MYH1: variants seen among roughly 807,000 people sequenced by gnomAD.
MYH1 encodes the protein myosin heavy chain 1, also known as myosin-1.
In MYH1, 214 loss-of-function variants were observed where a neutral mutation model predicts 225.6. That is an observed-to-expected ratio of 0.95 (90% CI 0.85 to 1.06). The LOEUF is 1.06. MYH1 is among the 50% of genes least tolerant of loss of function. MYH1 has a pLI of 0.00. For missense variants in MYH1, 2,098 were observed against 2,344.2 expected (o/e 0.89, Z 2.17); for synonymous variants, 774 against 842.3 (o/e 0.92, Z 1.40).
rs765747020 is a variant in MYH1 at position 10,496,067 on chromosome 17, C to T, written c.5052G>A (p.Leu1684=). ...GCAGCTCCTCGATCTCAGCCTGCAG[C>T]AGGTTGGCTCTGCGCTCCACCATAG... ...QLAMVERRAN[L]LQAEIEELRA... is the part of the protein sequence containing the mutation. Residue 1684 remains leucine, a synonymous_variant, in exon 35 of 40, where the codon CTG becomes CTA. Transcript: ENST00000226207. The T allele has an allele frequency of 6.2e-7, 1 of 1,614,154 alleles. No individual in the cohort carries two copies. The highest frequency in any genetic ancestry group is 8.5e-7 in the Non-Finnish European group (1 of 1,180,030).
intron 33 of MYH1, 75 bp from the exon 34 acceptor site, chr17:10,496,624 A>G (rs1033148969): frequency 7.5e-6 from 12 of 1,597,476 alleles, no homozygotes; most frequent in Non-Finnish European, 1.0e-5. Flanking sequence ...ATGATTTATC[A>G]TTCATGAAAC....
chr17:10,493,455 A>G (rs2072955710), intron 39 of MYH1, among the ~76,000 whole-genome samples: 3 of 152,304 alleles, frequency 2.0e-5, no homozygotes, highest in South Asian at 4.1e-4. Context: ...ATGAATATTT[A>G]TATGTAGGAA....
chr17:10,497,641 A>G lies in MYH1; in HGVS notation c.4365+93T>C, dbSNP rs1482439297. 122 of 1,549,770 alleles carry G rather than the reference A, an allele frequency of 7.9e-5. 1 individual carries two copies. The South Asian group carries it at 1.3e-3, about 16-fold the overall frequency. ...GCTGATGGGTTAAGAGCTACTGAGAACAGCCCTCAGATGGTTTGAATTGGG... is the reference window on the plus strand; with the variant it reads ...GCTGATGGGTTAAGAGCTACTGAGAGCAGCCCTCAGATGGTTTGAATTGGG... On this transcript the variant is annotated intron_variant, in intron 31 of 39. Transcript: ENST00000226207.
chr17:10,509,496 G>A lies in MYH1; in HGVS notation c.1576C>T (p.Leu526Phe), dbSNP rs1416523252. ...AAAAGCAAGCCAACCTTCTCGATGA[G>A]CTCGATGCAGGCAGCCAGGTCCATC... ...FGMDLAACIE[L>F]IEKPMGIFSI... The change falls in exon 15 of 40, where the codon CTC becomes TTC. Residue 526 changes from leucine (L) to phenylalanine (F), a missense_variant. By Grantham distance (22) the Leu-to-Phe change is conservative. Transcript: ENST00000226207. 6.2e-7 allele frequency: 1 copy of A among 1,614,088 alleles called. No individual in the cohort carries two copies.
Position 10,497,368 on chromosome 17 carries a change from C to T in MYH1, c.4450G>A (p.Glu1484Lys). The change falls in exon 32 of 40, where the codon GAA becomes AAA. Residue 1484 changes from glutamate (E) to lysine (K), a missense_variant. Transcript: ENST00000226207. The part of the protein sequence containing the change: ...SQKESRSLST[E>K]LFKIKNAYEE... ...TAAGCATTCTTAATCTTAAATAGTTCTGTGCTGAGTGAGCGGGATTCCTTT... is the reference window on the plus strand; with the variant it reads ...TAAGCATTCTTAATCTTAAATAGTTTTGTGCTGAGTGAGCGGGATTCCTTT... 1 of 1,613,874 alleles carries T rather than the reference C, an allele frequency of 6.2e-7. No individual in the cohort carries two copies. The highest frequency in any genetic ancestry group is 1.3e-5 in the African/African-American group (1 of 75,044).
At chr17:10,494,832 T>G in intron 37 of MYH1, 99 bp downstream of exon 37, 1 of 1,604,610 alleles carries the variant, frequency 6.2e-7, no homozygotes, top group Non-Finnish European at 8.5e-7. Flanking sequence ...TAGCTCTCCC[T>G]CATCTCAGTA....
At chr17:10,515,604 TG>T (rs1181197053) in intron 5 of MYH1, among the ~76,000 whole-genome samples, 2 of 152,222 alleles carry the variant, frequency 1.3e-5, no homozygotes, top group African/African-American at 4.8e-5. Context: ...ATGATTTATA[TG>T]ATTCAGTTGT....
intron 28 of MYH1, among the ~76,000 whole-genome samples, chr17:10,499,391 A>G (rs973031488): frequency 1.3e-5 from 2 of 152,370 alleles, no homozygotes; most frequent in Admixed American, 6.5e-5. Context: ...AATCAAGCCA[A>G]CAAAATATTC....
rs1439369531 is a variant in MYH1 at position 10,497,159 on chromosome 17, T to C, written c.4566A>G (p.Glu1522=). ...EISDLTEQIA[E]GGKRIHELEK... is the part of the protein sequence containing the mutation. ...CCAGTTCATGGATGCGCTTTCCTCC[T>C]TCTGCAATCTGTTCAGTGAGATCAG... Residue 1522 remains glutamate (E), a synonymous_variant, in exon 33 of 40, where the codon GAA becomes GAG. Coordinates refer to ENST00000226207, the MANE Select transcript of MYH1 (RefSeq NM_005963.4). 2 of 1,614,142 alleles carry C rather than the reference T, an allele frequency of 1.2e-6. No homozygotes were observed. The highest frequency in any genetic ancestry group is 1.7e-6 in the Non-Finnish European group (2 of 1,180,010).
At chr17:10,515,827 C>T (rs996365731) in intron 5 of MYH1, 99 bp downstream of exon 5, 318 of 1,585,006 alleles carry the variant, frequency 2.0e-4, no homozygotes, top group Non-Finnish European at 2.4e-4. Flanking sequence ...CAACCAGGGG[C>T]GTGAATTGGG....
chr17:10,512,805 CAT>C, intron 10 of MYH1, 21 bp from the exon 11 acceptor site: 1 of 1,610,972 alleles, frequency 6.2e-7, no homozygotes, highest in Non-Finnish European at 8.5e-7. Context: ...GAATTCAGGG[CAT>C]ATGTTTTACA....
intron 33 of MYH1, 59 bp from the exon 34 acceptor site, chr17:10,496,608 A>T (rs2072997931): frequency 1.2e-6 from 2 of 1,606,468 alleles, no homozygotes; most frequent in Non-Finnish European, 1.7e-6. Context: ...TATTCTAGAG[A>T]TAAGAATGAT....
At chr17:10,502,438 C>A (rs1438002080) in intron 24 of MYH1, among the ~76,000 whole-genome samples, 2 of 152,220 alleles carry the variant, frequency 1.3e-5, no homozygotes, top group African/African-American at 4.8e-5. Context: ...AGCCCCTTGT[C>A]TTTCAAGCCC....
At chr17:10,507,746 TC>T (rs2073127422) in intron 17 of MYH1, 139 bp downstream of exon 17, 2 of 698,584 alleles carry the variant, frequency 2.9e-6, no homozygotes, top group African/African-American at 3.6e-5. Flanking sequence ...TCCCTAAAAC[TC>T]AGTCTTACCA....
Position 10,508,409 on chromosome 17 carries a change from C to A in MYH1, c.1851G>T (p.Met617Ile). The A allele has an allele frequency of 2.5e-6, 4 of 1,613,720 alleles. No homozygotes were observed. Among genetic ancestry groups the A allele is most frequent in the Non-Finnish European group, 3.4e-6 (4 of 1,179,756 alleles). The part of the protein sequence containing the change: ...TVVGLYQKSA[M>I]KTLALLFVGA... ...CAACAAAGAGGAGAGCCAGAGTCTT[C>A]ATTGCAGACTTCTGGTACAGCCCCA... The change falls in exon 16 of 40, where the codon ATG becomes ATT. Residue 617 changes from methionine (M) to isoleucine (I), a missense_variant. Physicochemically the swap from Met to Ile is conservative, Grantham distance 10. Transcript: ENST00000226207.
Position 10,514,944 on chromosome 17 carries a change from A to C in MYH1, c.506-49T>G, listed in dbSNP as rs763964702. The C allele has an allele frequency of 1.0e-5, 16 of 1,556,360 alleles. No individual in the cohort carries two copies. In the African/African-American group the frequency reaches 1.2e-4, roughly 12 times the overall value. Reference sequence around the variant, plus strand: ...CAGCATATGTATCAGTTACACAAACAAAACTTTCTATAGTGAAACAGGGCA... The same window carrying C: ...CAGCATATGTATCAGTTACACAAACCAAACTTTCTATAGTGAAACAGGGCA... On this transcript the variant is annotated intron_variant, in intron 5 of 39. Coordinates refer to ENST00000226207, the MANE Select transcript of MYH1 (RefSeq NM_005963.4).
chr17:10,497,879 T>C lies in MYH1; in HGVS notation c.4220A>G (p.His1407Arg). 1 of 1,611,708 alleles carries C rather than the reference T, an allele frequency of 6.2e-7. No individual in the cohort carries two copies. The highest frequency in any genetic ancestry group is 8.5e-7 in the Non-Finnish European group (1 of 1,179,488). ...LAQRLQDAEE[H>R]VEAVNAKCAS... ...ACATTTGGCATTCACAGCTTCTACA[T>C]GTTCCTCAGCATCCTGCAGACGCTG... Residue 1407 changes from histidine (H) to arginine (R), a missense_variant, in exon 31 of 40, where the codon CAT (histidine) becomes CGT (arginine). By Grantham distance (29) the His-to-Arg change is conservative. Transcript: ENST00000226207.
At position 10,497,326 on chromosome 17, in the gene MYH1, G is replaced by A; in HGVS notation, c.4492C>T (p.Gln1498Ter). 6.2e-7 allele frequency: 1 copy of A among 1,611,344 alleles called. No individual in the cohort carries two copies. Among genetic ancestry groups the A allele is most frequent in the Non-Finnish European group, 8.5e-7 (1 of 1,179,324 alleles). The part of the protein sequence containing the change: ...IKNAYEESLD[Q>*]LETLKRENKN... Reference sequence around the variant, plus strand: ...TTTTCCCGTTTCAAGGTTTCAAGTTGGTCTAAAGATTCCTCATAAGCATTC... The same window carrying A: ...TTTTCCCGTTTCAAGGTTTCAAGTTAGTCTAAAGATTCCTCATAAGCATTC... Residue 1498 changes from glutamine (Q) to a stop codon, truncating the protein, a stop_gained, in exon 32 of 40, where the codon CAA becomes TAA. Transcript: ENST00000226207. LOFTEE classifies it high-confidence loss of function.
intron 15 of MYH1, among the ~76,000 whole-genome samples, 179 bp downstream of exon 15, chr17:10,509,306 A>G (rs552046630): frequency 6.6e-6 from 1 of 152,366 alleles, no homozygotes; most frequent in South Asian, 2.1e-4. Flanking sequence ...TCTGGACTCT[A>G]TAGAAAATAT....
Sources: gnomAD v4.1 joint callset for allele counts (sites outside exome capture counted in the v4.1 genomes callset) on GRCh38, gnomAD v4.1.1 for gene constraint, MANE v1.5 for transcripts, NCBI Gene and HGNC (gene_info 2026-07-23, HGNC 2026-07-21) for gene names.